The following CNTN5 variants were observed in gnomAD, a reference collection of about 807,000 sequenced individuals.
CNTN5 encodes the protein contactin-5.
In CNTN5, 77 loss-of-function variants were observed where a neutral mutation model predicts 129.1. The observed-to-expected ratio is 0.60, with a 90% confidence interval of 0.50 to 0.72. The LOEUF is 0.72. Ranked by LOEUF, CNTN5 falls within the 30% of genes least tolerant of loss-of-function variation. The probability of loss-of-function intolerance (pLI) is 0.00; values close to 1 mark genes in which losing one functional copy is unlikely to be tolerated. For synonymous variants in CNTN5, 509 were observed against 465.6 expected (o/e 1.09, Z -1.20); for missense variants, 1,478 against 1,328.8 (o/e 1.11, Z -1.75).
intron 2 of CNTN5, among the ~76,000 whole-genome samples, chr11:99,485,245 A>T (rs1945763783): frequency 7.2e-5 from 2 of 27,700 alleles, no homozygotes; most frequent in Admixed American, 4.1e-4. Context: ...AAATTGTTTA[A>T]AAAAAAAAGG....
intron 1 of CNTN5, among the ~76,000 whole-genome samples, chr11:99,255,382 G>T (rs1044386123): frequency 2.0e-5 from 3 of 151,604 alleles, no homozygotes; most frequent in Non-Finnish European, 4.4e-5. Context: ...ATTATTGTGG[G>T]TATTTGGAAT....
chr11:99,387,455 C>T (rs944088437), intron 2 of CNTN5, among the ~76,000 whole-genome samples: 1 of 152,268 alleles, frequency 6.6e-6, no homozygotes, highest in South Asian at 2.1e-4. Context: ...TTATTAAACA[C>T]CATTTCTACT....
At chr11:99,347,084 G>A (rs959075021) in intron 2 of CNTN5, among the ~76,000 whole-genome samples, 2 of 152,224 alleles carry the variant, frequency 1.3e-5, no homozygotes, top group Non-Finnish European at 2.9e-5. Flanking sequence ...GAGAGGCAGA[G>A]AGTTTTCATG....
chr11:99,805,374 G>C (rs551149983), intron 3 of CNTN5, among the ~76,000 whole-genome samples: 11 of 152,248 alleles, frequency 7.2e-5, no homozygotes, highest in African/African-American at 2.6e-4. Context: ...TCAGAGGAGA[G>C]ATCTGAGCTA....
intron 18 of CNTN5, among the ~76,000 whole-genome samples, chr11:100,280,013 T>C (rs1406075039): frequency 1.3e-5 from 2 of 151,412 alleles, no homozygotes; most frequent in Non-Finnish European, 3.0e-5. Flanking sequence ...GTGATTCCAT[T>C]ATCATTTGTT....
chr11:99,902,299 TTCA>T (rs1949380387), intron 6 of CNTN5, among the ~76,000 whole-genome samples: 1 of 151,684 alleles, frequency 6.6e-6, no homozygotes, highest in Non-Finnish European at 1.5e-5. Flanking sequence ...AGAATAACAC[TTCA>T]TCACATGTTA....
chr11:99,491,298 C>T (rs1946027135), intron 2 of CNTN5, among the ~76,000 whole-genome samples: 1 of 152,084 alleles, frequency 6.6e-6, no homozygotes, highest in African/African-American at 2.4e-5. Flanking sequence ...TCTCCTTATT[C>T]CTATTTTCTT....
intron 21 of CNTN5, among the ~76,000 whole-genome samples, chr11:100,335,706 T>A (rs1011555541): frequency 1.3e-5 from 2 of 151,762 alleles, no homozygotes; most frequent in African/African-American, 2.4e-5. Flanking sequence ...AGCTGGAGGT[T>A]GCAGTGAGCT....
intron 13 of CNTN5, among the ~76,000 whole-genome samples, chr11:100,184,492 C>T (rs1233220497): frequency 6.6e-6 from 1 of 152,134 alleles, no homozygotes; most frequent in Non-Finnish European, 1.5e-5. Flanking sequence ...AAGTGGCTTC[C>T]AGAAGCTGAA....
At chr11:100,309,446 T>A in intron 21 of CNTN5, 1 of 968,164 alleles carries the variant, frequency 1.0e-6, no homozygotes, top group South Asian at 4.8e-5. Flanking sequence ...TTCTAAGAGT[T>A]ACAGCAAGAA....
chr11:99,563,210 C>T (rs1423094353), intron 3 of CNTN5, among the ~76,000 whole-genome samples: 1 of 152,150 alleles, frequency 6.6e-6, no homozygotes, highest in Non-Finnish European at 1.5e-5. Context: ...TGGTACTAAA[C>T]TCTTTTCTTT....
At chr11:100,073,469 A>G (rs1944009760) in intron 12 of CNTN5, among the ~76,000 whole-genome samples, 1 of 151,518 alleles carries the variant, frequency 6.6e-6, no homozygotes, top group Admixed American at 6.6e-5. Context: ...AAATACATAT[A>G]ATATCAGATT....
At chr11:99,983,467 A>G (rs935041603) in intron 8 of CNTN5, among the ~76,000 whole-genome samples, 5 of 152,200 alleles carry the variant, frequency 3.3e-5, no homozygotes, top group African/African-American at 1.2e-4. Flanking sequence ...ATTTTGCCTT[A>G]AAACATTATT....
At chr11:99,632,972 G>A (rs975408001) in intron 3 of CNTN5, among the ~76,000 whole-genome samples, 24 of 151,952 alleles carry the variant, frequency 1.6e-4, no homozygotes, top group Admixed American at 3.9e-4. Flanking sequence ...TTATCTGAAC[G>A]GAAATGTAAC....
At chr11:99,212,446 T>G (rs973097062) in intron 1 of CNTN5, among the ~76,000 whole-genome samples, 1 of 151,868 alleles carries the variant, frequency 6.6e-6, no homozygotes, top group Admixed American at 6.6e-5. Context: ...ATACCTACAC[T>G]TTCCTTGCAC....
intron 8 of CNTN5, among the ~76,000 whole-genome samples, chr11:99,963,708 G>T (rs1951015088): frequency 6.6e-6 from 1 of 152,184 alleles, no homozygotes; most frequent in East Asian, 1.9e-4. Context: ...GTAATTAGTA[G>T]CTTGATGGGG....
At chr11:100,145,263 G>C (rs1486501871) in intron 13 of CNTN5, among the ~76,000 whole-genome samples, 3 of 152,084 alleles carry the variant, frequency 2.0e-5, no homozygotes, top group Non-Finnish European at 4.4e-5. Flanking sequence ...AGCTACTGTC[G>C]TTACCATTCT....
intron 1 of CNTN5, among the ~76,000 whole-genome samples, chr11:99,131,249 G>GAAAAAAAAAAAAA (rs71046664): frequency 7.4e-5 from 5 of 67,190 alleles, no homozygotes; most frequent in South Asian, 7.0e-4. Flanking sequence ...CTCCATCTCA[G>GAAAAAAAAAAAAA]AAAAAAAAAA....
chr11:99,201,926 A>C (rs759125937), intron 1 of CNTN5, among the ~76,000 whole-genome samples: 5 of 152,216 alleles, frequency 3.3e-5, no homozygotes, highest in Non-Finnish European at 7.3e-5. Flanking sequence ...TGTCTTGTTT[A>C]AGCTTCCAAA....
Sources: allele counts gnomAD v4.1 joint callset (sites outside exome capture counted in the v4.1 genomes callset), GRCh38; gene constraint gnomAD v4.1.1; transcripts MANE v1.5; gene names NCBI Gene and HGNC (gene_info 2026-07-23, HGNC 2026-07-21).